Variants in GRM1 observed in about 807,000 individuals in gnomAD.
GRM1 encodes metabotropic glutamate receptor 1.
In GRM1, 33 loss-of-function variants were observed where a neutral mutation model predicts 90.9. That is an observed-to-expected ratio of 0.36 (90% CI 0.28 to 0.49). The LOEUF is 0.49. Among genes scored for constraint, GRM1 ranks in the 20% least tolerant of loss-of-function variants. The pLI, the probability that GRM1 is intolerant of heterozygous loss-of-function variation, is 0.99. For synonymous variants in GRM1, 700 were observed against 613.2 expected (o/e 1.14, Z -2.09); for missense variants, 1,190 against 1,534.3 (o/e 0.78, Z 3.75).
chr6:146,196,326 C>T (rs576029312), intron 2 of GRM1, among the ~76,000 whole-genome samples: 3 of 145,312 alleles, frequency 2.1e-5, no homozygotes, highest in Non-Finnish European at 3.0e-5. Flanking sequence ...CGCTCTCTGT[C>T]GCCCAGGCTG....
chr6:146,068,099 T>C (rs1775906878), intron 1 of GRM1, among the ~76,000 whole-genome samples: 1 of 151,604 alleles, frequency 6.6e-6, no homozygotes, highest in African/African-American at 2.4e-5. Flanking sequence ...TTAAATATCA[T>C]TGAACCTTCA....
intron 2 of GRM1, among the ~76,000 whole-genome samples, chr6:146,294,835 T>A (rs1482672870): frequency 6.6e-6 from 1 of 152,224 alleles, no homozygotes; most frequent in African/African-American, 2.4e-5. Flanking sequence ...CTTACATTAC[T>A]ATAACAACCT....
intron 2 of GRM1, among the ~76,000 whole-genome samples, chr6:146,195,144 A>G (rs1779072167): frequency 6.6e-6 from 1 of 152,222 alleles, no homozygotes; most frequent in Admixed American, 6.5e-5. Flanking sequence ...ATATGAAAGC[A>G]ATATATTACA....
chr6:146,234,002 G>A (rs9485063), intron 2 of GRM1, among the ~76,000 whole-genome samples: 9,774 of 151,954 alleles, frequency 0.064, 437 homozygotes, highest in African/African-American at 0.12. Flanking sequence ...TACACATATA[G>A]CATTGTTATA....
At chr6:146,208,594 G>C (rs1276953207) in intron 2 of GRM1, among the ~76,000 whole-genome samples, 2 of 151,772 alleles carry the variant, frequency 1.3e-5, no homozygotes, top group Non-Finnish European at 2.9e-5. Context: ...CTCATGTCGG[G>C]GTCTTGATCA....
chr6:146,240,400 A>G (rs1780811790), intron 2 of GRM1, among the ~76,000 whole-genome samples: 1 of 151,766 alleles, frequency 6.6e-6, no homozygotes. Context: ...AGGCAGGGTT[A>G]CCAGACCAAG....
At chr6:146,404,881 G>C (rs1027962988) in intron 7 of GRM1, among the ~76,000 whole-genome samples, 3 of 152,196 alleles carry the variant, frequency 2.0e-5, no homozygotes, top group Admixed American at 6.5e-5. Flanking sequence ...AGTTAATAGA[G>C]TGCCACAGTA....
chr6:146,185,386 A>G (rs886843944), intron 2 of GRM1, among the ~76,000 whole-genome samples: 2 of 152,204 alleles, frequency 1.3e-5, no homozygotes, highest in Non-Finnish European at 2.9e-5. Context: ...GCCTACCTTG[A>G]GGTTGAGAAA....
At chr6:146,413,076 G>A (rs1777627599) in intron 7 of GRM1, among the ~76,000 whole-genome samples, 1 of 152,026 alleles carries the variant, frequency 6.6e-6, no homozygotes, top group Admixed American at 6.5e-5. Context: ...AAAAGTTCAT[G>A]GGACTAAAAC....
At chr6:146,224,123 C>G (rs973055734) in intron 2 of GRM1, among the ~76,000 whole-genome samples, 1 of 152,028 alleles carries the variant, frequency 6.6e-6, no homozygotes. Flanking sequence ...AAAATTCAAC[C>G]ACTGTATTAC....
At chr6:146,218,439 G>A (rs1230388435) in intron 2 of GRM1, among the ~76,000 whole-genome samples, 1 of 152,172 alleles carries the variant, frequency 6.6e-6, no homozygotes, top group African/African-American at 2.4e-5. Context: ...GGATAAAGAT[G>A]TTCTCTGAAG....
intron 1 of GRM1, among the ~76,000 whole-genome samples, chr6:146,106,088 G>C (rs1214495641): frequency 1.3e-5 from 2 of 152,170 alleles, no homozygotes; most frequent in Non-Finnish European, 2.9e-5. Context: ...TTTCTTTCAA[G>C]TCATAATTCT....
intron 2 of GRM1, among the ~76,000 whole-genome samples, chr6:146,270,881 C>CTT (rs1290813969): frequency 1.0e-4 from 10 of 98,140 alleles, no homozygotes; most frequent in African/African-American, 5.0e-4. Context: ...TTCTTTCTTT[C>CTT]TTTCTTTCTT....
chr6:146,241,188 C>A (rs1490162248), intron 2 of GRM1, among the ~76,000 whole-genome samples: 1 of 152,064 alleles, frequency 6.6e-6, no homozygotes, highest in African/African-American at 2.4e-5. Flanking sequence ...GAGGATCATT[C>A]TTATGGAGGA....
intron 1 of GRM1, among the ~76,000 whole-genome samples, chr6:146,088,387 A>G (rs909284237): frequency 1.3e-5 from 2 of 152,124 alleles, no homozygotes; most frequent in Non-Finnish European, 2.9e-5. Flanking sequence ...TTAAAGTTCG[A>G]AAATAATACT....
At chr6:146,073,586 A>G (rs1776086292) in intron 1 of GRM1, among the ~76,000 whole-genome samples, 3 of 152,180 alleles carry the variant, frequency 2.0e-5, no homozygotes, top group African/African-American at 7.2e-5. Context: ...AATGCAATAA[A>G]TTATAAAATT....
chr6:146,187,336 C>A (rs1486421876), intron 2 of GRM1, among the ~76,000 whole-genome samples: 1 of 152,028 alleles, frequency 6.6e-6, no homozygotes, highest in Non-Finnish European at 1.5e-5. Context: ...ATGAAGACTG[C>A]ATCAAGAATA....
At chr6:146,158,149 T>C (rs976972632) in intron 1 of GRM1, among the ~76,000 whole-genome samples, 1 of 152,142 alleles carries the variant, frequency 6.6e-6, no homozygotes, top group Non-Finnish European at 1.5e-5. Flanking sequence ...CATATTTAGG[T>C]GCTCAGGTGT....
At chr6:146,119,851 G>A (rs1476732539) in intron 1 of GRM1, among the ~76,000 whole-genome samples, 4 of 152,176 alleles carry the variant, frequency 2.6e-5, no homozygotes, top group Admixed American at 6.5e-5. Flanking sequence ...TAGCCTTGTA[G>A]TATAGTTTGA....
Sources: allele counts gnomAD v4.1 joint callset (sites outside exome capture counted in the v4.1 genomes callset), GRCh38; gene constraint gnomAD v4.1.1; transcripts MANE v1.5; gene names NCBI Gene and HGNC (gene_info 2026-07-23, HGNC 2026-07-21).